The following TUSC3 variants were observed in gnomAD, a reference collection of about 807,000 sequenced individuals.
TUSC3 encodes dolichyl-diphosphooligosaccharide--protein glycosyltransferase subunit TUSC3.
TUSC3 carries 45 observed loss-of-function variants against 44.8 expected under a neutral mutation model. The observed-to-expected ratio is 1.00, with a 90% CI of 0.79 to 1.29. TUSC3 has a LOEUF of 1.29. Among genes scored for constraint, TUSC3 ranks in the 50% most tolerant of loss-of-function variants. The pLI is 0.00. For missense variants in TUSC3, 519 were observed against 437.9 expected, an observed-to-expected ratio of 1.19 and a Z score of -1.65; for synonymous variants, 212 against 152.9, an observed-to-expected ratio of 1.39 and a Z score of -2.85.
chr8:15,508,594 T>G (rs1392754980), intron 2 of TUSC3, among the ~76,000 whole-genome samples: 1 of 150,146 alleles, frequency 6.7e-6, no homozygotes, highest in Non-Finnish European at 1.5e-5. Flanking sequence ...CCCGAGTAGC[T>G]GGGACTACAG....
intron 1 of TUSC3, among the ~76,000 whole-genome samples, chr8:15,444,985 C>A (rs545018403): frequency 6.6e-6 from 1 of 152,244 alleles, no homozygotes; most frequent in East Asian, 1.9e-4. Context: ...CTGGGAAACT[C>A]ATTTTTCCTG....
chr8:15,513,277 C>A (rs1302801695), intron 2 of TUSC3, among the ~76,000 whole-genome samples: 1 of 151,852 alleles, frequency 6.6e-6, no homozygotes, highest in African/African-American at 2.4e-5. Context: ...AGATAAGCAA[C>A]TTGACTATAG....
chr8:15,718,384 T>A (rs988289360), intron 6 of TUSC3, among the ~76,000 whole-genome samples: 1 of 152,052 alleles, frequency 6.6e-6, no homozygotes, highest in Non-Finnish European at 1.5e-5. Context: ...ATGCATAGAG[T>A]GCTGGAAAGA....
In TUSC3 at chr8:15,570,954, G is replaced by GTTTTTTT. The variant is rs549277334; in HGVS notation, c.138+30400_138+30406dup. On this transcript the variant is annotated intron_variant, in intron 1 of 10. Coordinates refer to ENST00000503731, the MANE Select transcript of TUSC3 (RefSeq NM_006765.4). ...TTGCTTTCTATTCCATTGCCTATTA[G>GTTTTTTT]TTTTTTTTTTTTTTTTTTTTGAGAT... Among the ~76,000 whole-genome samples the GTTTTTTT allele has an allele frequency of 2.0e-3, 87 of 44,478 alleles. 17 individuals are homozygous for GTTTTTTT. The highest frequency in any genetic ancestry group is 4.1e-3 in the African/African-American group (71 of 17,398). 29.2% of individuals were successfully genotyped at this position (44,478 alleles called of 152,430 possible). A position where few individuals can be genotyped will look rare whatever the true frequency, so the allele number is the denominator to read the frequency against.
the TUSC3 span, among the ~76,000 whole-genome samples, chr8:15,804,184 T>G: frequency 6.6e-6 from 1 of 152,332 alleles, no homozygotes; most frequent in African/African-American, 2.4e-5. Context: ...AAAGTGTTCC[T>G]ATTTCTCCAC....
chr8:15,588,235 T>G (rs1353793643), intron 1 of TUSC3, among the ~76,000 whole-genome samples: 1 of 152,160 alleles, frequency 6.6e-6, no homozygotes, highest in Admixed American at 6.5e-5. Context: ...TCTTATTTTT[T>G]GTCATTTGAT....
At chr8:15,711,552 C>T (rs963260458) in intron 6 of TUSC3, among the ~76,000 whole-genome samples, 9 of 149,704 alleles carry the variant, frequency 6.0e-5, no homozygotes, top group African/African-American at 1.5e-4. Flanking sequence ...TTGTTTAAAT[C>T]GCATTAATGC....
chr8:15,465,088 T>C (rs1334357652), intron 1 of TUSC3, among the ~76,000 whole-genome samples: 3 of 152,142 alleles, frequency 2.0e-5, no homozygotes, highest in African/African-American at 7.2e-5. Flanking sequence ...GACCTCGTGA[T>C]CCACCTGCCT....
At chr8:15,458,751 C>G (rs1005264563) in intron 1 of TUSC3, among the ~76,000 whole-genome samples, 1 of 151,828 alleles carries the variant, frequency 6.6e-6, no homozygotes, top group African/African-American at 2.4e-5. Flanking sequence ...TGATGAGTAA[C>G]TGGGGACTAA....
chr8:15,491,009 G>A (rs533895519), intron 2 of TUSC3, among the ~76,000 whole-genome samples: 15 of 152,180 alleles, frequency 9.9e-5, no homozygotes, highest in Non-Finnish European at 1.9e-4. Context: ...GAGGACATAC[G>A]GTTGCTTCCT....
At chr8:15,469,825 C>T (rs917400837) in intron 1 of TUSC3, among the ~76,000 whole-genome samples, 1 of 152,074 alleles carries the variant, frequency 6.6e-6, no homozygotes, top group African/African-American at 2.4e-5. Context: ...AATAAATGAG[C>T]TATGAAGCCA....
At chr8:15,466,443 A>T (rs1361282212) in intron 1 of TUSC3, among the ~76,000 whole-genome samples, 1 of 152,202 alleles carries the variant, frequency 6.6e-6, no homozygotes, top group Non-Finnish European at 1.5e-5. Flanking sequence ...TTTTAAAGTC[A>T]AAGATGAGTG....
intron 6 of TUSC3, among the ~76,000 whole-genome samples, chr8:15,679,705 T>C (rs1401219421): frequency 6.6e-6 from 1 of 152,188 alleles, no homozygotes; most frequent in Non-Finnish European, 1.5e-5. Flanking sequence ...TAGGTTTTCA[T>C]CTAGGGTTTT....
the TUSC3 span, among the ~76,000 whole-genome samples, chr8:15,838,867 A>T: frequency 3.0e-4 from 46 of 152,268 alleles, no homozygotes; most frequent in Admixed American, 9.2e-4. Context: ...TATGAACTTT[A>T]AAGTAGTTTT....
At chr8:15,841,909 C>CT in the TUSC3 span, among the ~76,000 whole-genome samples, 1 of 152,174 alleles carries the variant, frequency 6.6e-6, no homozygotes, top group East Asian at 1.9e-4. Context: ...TATACCAAAT[C>CT]TAAGTGCTAT....
intron 1 of TUSC3, among the ~76,000 whole-genome samples, chr8:15,420,383 C>T (rs542450493): frequency 2.0e-5 from 3 of 152,040 alleles, no homozygotes; most frequent in African/African-American, 7.2e-5. Context: ...CCTGTAGTCT[C>T]AGCTACTTGG....
the TUSC3 span, among the ~76,000 whole-genome samples, chr8:15,836,760 C>T: frequency 2.2e-3 from 337 of 152,148 alleles, 1 homozygote; most frequent in African/African-American, 7.8e-3. Context: ...CATATACTTT[C>T]ACCTCTGTCA....
chr8:15,787,418 G>A, the TUSC3 span, among the ~76,000 whole-genome samples: 5,493 of 152,176 alleles, frequency 0.036, 112 homozygotes, highest in African/African-American at 0.061. Flanking sequence ...ATGAAATCCC[G>A]TCAACAGATT....
intron 1 of TUSC3, among the ~76,000 whole-genome samples, chr8:15,481,472 C>G (rs558556239): frequency 1.3e-5 from 2 of 152,006 alleles, no homozygotes; most frequent in African/African-American, 4.8e-5. Context: ...CACCAAATGC[C>G]AGTTCCTCAA....
Sources: gnomAD v4.1 joint callset for allele counts (sites outside exome capture counted in the v4.1 genomes callset) on GRCh38, gnomAD v4.1.1 for gene constraint, MANE v1.5 for transcripts, NCBI Gene and HGNC (gene_info 2026-07-23, HGNC 2026-07-21) for gene names.